The following ARHGAP15 variants were observed in gnomAD, a reference collection of about 807,000 sequenced individuals.
ARHGAP15 encodes rho GTPase-activating protein 15.
A neutral mutation model predicts 63.7 loss-of-function variants in ARHGAP15; 51 were observed. The ratio of observed to expected loss-of-function variants is 0.80; its 90% confidence interval spans 0.64 to 1.01. The LOEUF is 1.01. ARHGAP15 is among the 50% of genes least tolerant of loss of function. The pLI, the probability that ARHGAP15 is intolerant of heterozygous loss-of-function variation, is 0.00. For synonymous variants in ARHGAP15, 191 were observed against 193.8 expected, an observed-to-expected ratio of 0.99 and a Z score of 0.12; for missense variants, 560 against 564.6, an observed-to-expected ratio of 0.99 and a Z score of 0.08.
chr2:143,416,465 G>A (rs1008643217), intron 6 of ARHGAP15, among the ~76,000 whole-genome samples: 28 of 149,552 alleles, frequency 1.9e-4, no homozygotes, highest in African/African-American at 6.8e-4. Context: ...AATCCTTGCT[G>A]GTTTCACTCG....
chr2:143,174,037 T>A (rs354697), intron 2 of ARHGAP15, among the ~76,000 whole-genome samples: 148,277 of 152,190 alleles, frequency 0.97, 72,348 homozygotes, highest in East Asian at 1. Flanking sequence ...ACTGTACTGG[T>A]GCCCACTTTG....
At chr2:143,375,112 T>A (rs1220324295) in intron 6 of ARHGAP15, among the ~76,000 whole-genome samples, 1 of 152,214 alleles carries the variant, frequency 6.6e-6, no homozygotes, top group Non-Finnish European at 1.5e-5. Context: ...GTCTAAGTCA[T>A]CTTATGACAA....
chr2:143,471,080 A>G (rs1691529707), intron 8 of ARHGAP15, among the ~76,000 whole-genome samples: 2 of 150,052 alleles, frequency 1.3e-5, no homozygotes, highest in Admixed American at 6.6e-5. Context: ...ATACACATGT[A>G]TAAATGTATA....
chr2:143,151,881 A>C (rs1229547853), intron 1 of ARHGAP15, among the ~76,000 whole-genome samples: 1 of 151,874 alleles, frequency 6.6e-6, no homozygotes, highest in Non-Finnish European at 1.5e-5. Context: ...TCGTCTCTGA[A>C]CCCACAGGTA....
At chr2:143,327,403 T>C (rs889757500) in intron 6 of ARHGAP15, among the ~76,000 whole-genome samples, 1 of 152,052 alleles carries the variant, frequency 6.6e-6, no homozygotes, top group Non-Finnish European at 1.5e-5. Context: ...CTACTTTAAA[T>C]TTCATATGGA....
intron 13 of ARHGAP15, among the ~76,000 whole-genome samples, chr2:143,707,284 A>C (rs1684372423): frequency 6.6e-6 from 1 of 152,250 alleles, no homozygotes; most frequent in Non-Finnish European, 1.5e-5. Flanking sequence ...AAGTCCACAC[A>C]GTTTTCATTT....
intron 4 of ARHGAP15, among the ~76,000 whole-genome samples, chr2:143,219,869 C>T (rs1385759065): frequency 6.6e-6 from 1 of 152,174 alleles, no homozygotes; most frequent in Non-Finnish European, 1.5e-5. Flanking sequence ...TATTCATAAA[C>T]TTTGACTATT....
At chr2:143,437,133 CTCA>C in intron 8 of ARHGAP15, 91 bp downstream of exon 8, 1 of 1,357,604 alleles carries the variant, frequency 7.4e-7, no homozygotes, top group Non-Finnish European at 9.9e-7. Flanking sequence ...TTAAGCCAAA[CTCA>C]TCATACTCAT....
At chr2:143,711,862 G>A (rs951715652) in intron 13 of ARHGAP15, among the ~76,000 whole-genome samples, 15 of 152,266 alleles carry the variant, frequency 9.9e-5, no homozygotes, top group Non-Finnish European at 1.5e-4. Context: ...CCAGGAGTTC[G>A]GAGGCTACAG....
intron 13 of ARHGAP15, among the ~76,000 whole-genome samples, chr2:143,738,919 T>A (rs1171636325): frequency 6.6e-6 from 1 of 152,146 alleles, no homozygotes; most frequent in Non-Finnish European, 1.5e-5. Flanking sequence ...AGGTCAGGTG[T>A]CCTCAATTGG....
chr2:143,666,719 A>G, intron 12 of ARHGAP15, among the ~76,000 whole-genome samples: 1 of 133,452 alleles, frequency 7.5e-6, no homozygotes, highest in African/African-American at 2.8e-5. Context: ...AAACAAATTT[A>G]CAAGAAAAAA....
intron 10 of ARHGAP15, among the ~76,000 whole-genome samples, chr2:143,538,841 C>CT: frequency 6.6e-6 from 1 of 152,112 alleles, no homozygotes; most frequent in Non-Finnish European, 1.5e-5. Flanking sequence ...CTAAAATTCT[C>CT]TTTTTTTGTT....
At chr2:143,323,020 A>C (rs1684093180) in intron 6 of ARHGAP15, among the ~76,000 whole-genome samples, 1 of 152,214 alleles carries the variant, frequency 6.6e-6, no homozygotes, top group Non-Finnish European at 1.5e-5. Context: ...GCTTGTATCC[A>C]TCTGTCCCTC....
chr2:143,680,899 T>C (rs980838693), intron 12 of ARHGAP15, among the ~76,000 whole-genome samples: 4 of 152,188 alleles, frequency 2.6e-5, no homozygotes, highest in African/African-American at 9.7e-5. Flanking sequence ...AAAAGACAGA[T>C]TACTACCTTT....
At chr2:143,413,241 G>C (rs1323990501) in intron 6 of ARHGAP15, among the ~76,000 whole-genome samples, 1 of 152,040 alleles carries the variant, frequency 6.6e-6, no homozygotes, top group Admixed American at 6.6e-5. Flanking sequence ...GGCCCTTTAG[G>C]TTAGGAGCAG....
intron 11 of ARHGAP15, among the ~76,000 whole-genome samples, chr2:143,579,910 A>C (rs984305746): frequency 6.8e-6 from 1 of 148,018 alleles, no homozygotes; most frequent in African/African-American, 2.5e-5. Context: ...TTTAAGTTTT[A>C]GGGTACATGT....
chr2:143,333,203 A>G (rs543204809), intron 6 of ARHGAP15, among the ~76,000 whole-genome samples: 6 of 152,210 alleles, frequency 3.9e-5, no homozygotes, highest in African/African-American at 1.4e-4. Context: ...GTTGCTCTTC[A>G]TGAGAAATTT....
intron 13 of ARHGAP15, among the ~76,000 whole-genome samples, chr2:143,718,491 C>A (rs1461090221): frequency 2.0e-5 from 3 of 152,182 alleles, no homozygotes; most frequent in South Asian, 4.1e-4. Context: ...CAGCTCCATT[C>A]ATTAATATGT....
chr2:143,184,483 G>T (rs1263732109), intron 2 of ARHGAP15, among the ~76,000 whole-genome samples: 1 of 152,070 alleles, frequency 6.6e-6, no homozygotes, highest in Admixed American at 6.5e-5. Flanking sequence ...TTCTTATGTG[G>T]CCTCAAGGAA....
Sources: allele counts gnomAD v4.1 joint callset (sites outside exome capture counted in the v4.1 genomes callset), GRCh38; gene constraint gnomAD v4.1.1; transcripts MANE v1.5; gene names NCBI Gene and HGNC (gene_info 2026-07-23, HGNC 2026-07-21).